The following NEDD4 variants were observed in gnomAD, a reference collection of about 807,000 sequenced individuals.
NEDD4 encodes E3 ubiquitin-protein ligase NEDD4.
In NEDD4, 99 loss-of-function variants were observed where a neutral mutation model predicts 144.9. The ratio of observed to expected loss-of-function variants is 0.68; its 90% CI spans 0.58 to 0.81. The LOEUF is 0.81. NEDD4 is among the 30% of genes least tolerant of loss of function. The pLI is 0.00. For missense variants in NEDD4, 985 were observed against 1,065.9 expected (o/e 0.92, Z 1.06); for synonymous variants, 318 against 350.6 (o/e 0.91, Z 1.04).
At chr15:55,979,514 C>T (rs568951132) in intron 1 of NEDD4, among the ~76,000 whole-genome samples, 53 of 150,320 alleles carry the variant, frequency 3.5e-4, no homozygotes, top group African/African-American at 1.2e-3. Context: ...CCACCGCGCC[C>T]GGCTAATTTT....
intron 1 of NEDD4, among the ~76,000 whole-genome samples, chr15:55,982,815 A>C (rs1031941111): frequency 6.6e-6 from 1 of 152,182 alleles, no homozygotes; most frequent in Non-Finnish European, 1.5e-5. Context: ...CAATTCCAAC[A>C]AACAGTCAGT....
At position 55,873,974 on chromosome 15, in the gene NEDD4, G is replaced by C. The variant is rs995722051; in HGVS notation, c.326C>G (p.Pro109Arg). 6.5e-7 allele frequency: 1 copy of C among 1,546,704 alleles called. No homozygotes were observed. The highest frequency in any genetic ancestry group is 1.4e-5 in the African/African-American group (1 of 73,216). ...RDDFLGQVDV[P>R]LYPLPTENPR... is the part of the protein sequence containing the mutation. ...TATACCAACCGGTAATGGATAAAGT[G>C]GAACATCCACTTGACCTAGGAAATC... Residue 109 changes from proline to arginine, a missense_variant, in exon 6 of 29, where the codon CCA (proline) becomes CGA (arginine). By Grantham distance (103) the Pro-to-Arg change is moderately radical (BLOSUM62 -2). Coordinates refer to ENST00000435532, the MANE Select transcript of NEDD4 (RefSeq NM_006154.4).
chr15:55,877,128 T>C (rs2035022604), intron 5 of NEDD4, among the ~76,000 whole-genome samples: 1 of 152,222 alleles, frequency 6.6e-6, no homozygotes, highest in Middle Eastern at 3.2e-3. Context: ...ATTATGATGA[T>C]CAAAACCAGA....
intron 5 of NEDD4, among the ~76,000 whole-genome samples, chr15:55,923,766 C>T (rs1399910438): frequency 6.6e-6 from 1 of 151,260 alleles, no homozygotes; most frequent in African/African-American, 2.4e-5. Flanking sequence ...TCTTTAGTTG[C>T]CAGTATAATT....
intron 4 of NEDD4, among the ~76,000 whole-genome samples, chr15:55,942,029 T>A (rs775470675): frequency 3.3e-5 from 5 of 151,738 alleles, no homozygotes; most frequent in Non-Finnish European, 7.4e-5. Flanking sequence ...TTAACATGAT[T>A]GGTAGTGTTG....
rs28714111 is a variant in NEDD4 at position 55,906,016 on chromosome 15, C to A, written c.291+18630G>T. ...CAAAAGAAGACATTTATGCAGCCAACAGACACATGAAAAAATGCTCATCAT... is the reference window on the plus strand; with the variant it reads ...CAAAAGAAGACATTTATGCAGCCAAAAGACACATGAAAAAATGCTCATCAT... On this transcript the variant is annotated intron_variant, in intron 5 of 28. Coordinates refer to ENST00000435532, the MANE Select transcript of NEDD4 (RefSeq NM_006154.4). 7.9e-3 allele frequency among the ~76,000 whole-genome samples: 1,207 copies of A among 152,224 alleles called. 15 individuals are homozygous for A. Among genetic ancestry groups the A allele is most frequent in the African/African-American group, 0.028 (1,148 of 41,542 alleles).
intron 5 of NEDD4, among the ~76,000 whole-genome samples, chr15:55,888,154 GAAAT>G (rs202155849): frequency 0.049 from 7,423 of 152,100 alleles, 262 homozygotes; most frequent in Admixed American, 0.1. Context: ...GCAAGAAAAA[GAAAT>G]AAGGGGCATC....
chr15:55,933,810 T>G (rs1472686194), intron 4 of NEDD4, among the ~76,000 whole-genome samples: 2 of 152,318 alleles, frequency 1.3e-5, no homozygotes, highest in Non-Finnish European at 2.9e-5. Context: ...TTCTGAGGCC[T>G]TCTCAGCCAT....
intron 8 of NEDD4, 41 bp downstream of exon 8, chr15:55,869,538 T>G (rs889959142): frequency 8.2e-7 from 1 of 1,214,620 alleles, no homozygotes; most frequent in Non-Finnish European, 1.2e-6. Context: ...AATAAGAAAT[T>G]AAAATTTTTT....
intron 5 of NEDD4, 28 bp downstream of exon 5, chr15:55,924,618 T>C (rs775167733): frequency 1.9e-6 from 3 of 1,585,058 alleles, no homozygotes; most frequent in Non-Finnish European, 1.7e-6. Context: ...CCTTACTTCA[T>C]ATTTCATATA....
intron 19 of NEDD4, 114 bp from the exon 20 acceptor site, chr15:55,840,841 C>A: frequency 9.9e-7 from 1 of 1,014,234 alleles, no homozygotes; most frequent in South Asian, 1.8e-5. Flanking sequence ...CCACATTCCT[C>A]CACTGGATTT....
At chr15:55,860,821 G>T in intron 9 of NEDD4, 43 bp from the exon 10 acceptor site, 2 of 1,510,800 alleles carry the variant, frequency 1.3e-6, no homozygotes, top group Non-Finnish European at 1.8e-6. Flanking sequence ...GTCTTAAGTA[G>T]TTAAAATGAT....
intron 5 of NEDD4, among the ~76,000 whole-genome samples, chr15:55,903,225 C>A (rs987732171): frequency 6.6e-6 from 1 of 151,946 alleles, no homozygotes; most frequent in Non-Finnish European, 1.5e-5. Flanking sequence ...CTTTCTGATG[C>A]TATTTTTACC....
chr15:55,838,049 T>C, intron 23 of NEDD4, 58 bp downstream of exon 23: 3 of 1,128,940 alleles, frequency 2.7e-6, no homozygotes, highest in Non-Finnish European at 3.9e-6. Context: ...AAGAAGAGTC[T>C]TTCTGGAATA....
intron 23 of NEDD4, 34 bp from the exon 24 acceptor site, chr15:55,837,883 C>T: frequency 6.5e-7 from 1 of 1,540,246 alleles, no homozygotes; most frequent in Non-Finnish European, 8.9e-7. Flanking sequence ...TTCATGTGAA[C>T]CAAGACAAAA....
intron 15 of NEDD4, 23 bp downstream of exon 15, chr15:55,848,783 G>T: frequency 6.3e-7 from 1 of 1,596,030 alleles, no homozygotes; most frequent in Non-Finnish European, 8.6e-7. Context: ...AAGTTAGATG[G>T]GTTAGCATTT....
chr15:55,889,136 T>A (rs868863037), intron 5 of NEDD4, among the ~76,000 whole-genome samples: 12 of 151,906 alleles, frequency 7.9e-5, no homozygotes, highest in African/African-American at 2.9e-4. Flanking sequence ...CAGCCCACAA[T>A]AAACAATCAA....
At chr15:55,859,037 G>A (rs2034302681) in intron 11 of NEDD4, among the ~76,000 whole-genome samples, 1 of 152,160 alleles carries the variant, frequency 6.6e-6, no homozygotes, top group African/African-American at 2.4e-5. Context: ...AGGAGATATT[G>A]TTAATTTTAT....
chr15:55,945,175 C>G (rs780868503), intron 4 of NEDD4, among the ~76,000 whole-genome samples: 1 of 152,144 alleles, frequency 6.6e-6, no homozygotes. Context: ...GATGAGTTGA[C>G]AGAAGTAGGC....
Sources: allele counts gnomAD v4.1 joint callset (sites outside exome capture counted in the v4.1 genomes callset), GRCh38; gene constraint gnomAD v4.1.1; transcripts MANE v1.5; gene names NCBI Gene and HGNC (gene_info 2026-07-23, HGNC 2026-07-21).